The following LYRM4 variants were observed in gnomAD, a reference collection of about 807,000 sequenced individuals.
LYRM4 encodes LYR motif-containing protein 4.
Under a neutral mutation model 11.7 loss-of-function variants are expected in LYRM4, and 9 were observed. The observed-to-expected ratio is 0.77, with a 90% CI of 0.46 to 1.34. The LOEUF (loss-of-function observed/expected upper bound fraction) is 1.34. Ranked by LOEUF, LYRM4 falls within the 40% of genes most tolerant of loss-of-function variation. The pLI is 0.00. For synonymous variants in LYRM4, 42 were observed against 40.4 expected, an observed-to-expected ratio of 1.04 and a Z score of -0.15; for missense variants, 133 against 112.5, an observed-to-expected ratio of 1.18 and a Z score of -0.82.
chr6:5,145,589 C>A (rs1757676174), intron 2 of LYRM4, among the ~76,000 whole-genome samples: 1 of 152,182 alleles, frequency 6.6e-6, no homozygotes, highest in Non-Finnish European at 1.5e-5. Context: ...GAAGGGAAAG[C>A]AATAGGACCC....
the LYRM4 span, among the ~76,000 whole-genome samples, chr6:5,082,251 G>A: frequency 6.6e-6 from 1 of 152,146 alleles, no homozygotes; most frequent in Admixed American, 6.5e-5. Context: ...TCTAAGCTGT[G>A]GAGACAGACA....
intron 2 of LYRM4, among the ~76,000 whole-genome samples, chr6:5,140,125 G>A (rs539926314): frequency 1.3e-5 from 2 of 151,760 alleles, no homozygotes; most frequent in African/African-American, 4.8e-5. Context: ...CTACTTGGGA[G>A]GCTTAGGTGG....
At chr6:5,083,762 C>T in the LYRM4 span, among the ~76,000 whole-genome samples, 1 of 152,198 alleles carries the variant, frequency 6.6e-6, no homozygotes, top group African/African-American at 2.4e-5. Context: ...AAAACCCTGG[C>T]CCCTTTCAGT....
At chr6:5,102,051 C>T (rs1762522569), downstream of LYRM4, among the ~76,000 whole-genome samples, 2 of 142,754 alleles carry the variant, frequency 1.4e-5, no homozygotes, top group African/African-American at 2.6e-5. Flanking sequence ...CTTCGTCCTT[C>T]CAAAGTGTTG....
intron 1 of LYRM4, chr6:5,218,407 T>C: frequency 1.0e-6 from 1 of 984,126 alleles, no homozygotes; most frequent in Non-Finnish European, 1.2e-6. Context: ...GGAAACTTTA[T>C]CTTAAAAAGG....
the LYRM4 span, chr6:5,066,766 G>A: frequency 1.3e-6 from 1 of 741,302 alleles, no homozygotes; most frequent in Admixed American, 2.1e-5. Context: ...GTTACGTAAC[G>A]CTTAAAGTCT....
chr6:5,129,806 T>C (rs1187357428), intron 2 of LYRM4, among the ~76,000 whole-genome samples: 1 of 152,190 alleles, frequency 6.6e-6, no homozygotes, highest in East Asian at 1.9e-4. Context: ...TGTGAAAATG[T>C]AGGACCTAGG....
In LYRM4 at chr6:5,136,859, C is replaced by T. The variant is rs1757126354; in HGVS notation, c.208-27368G>A. 8.2e-6 allele frequency: 8 copies of T among 974,980 alleles called. No individual in the cohort carries two copies. The South Asian group carries it at 3.3e-4, about 40-fold the overall frequency. The allele number at this position is 974,980 out of a possible 1,614,324, so 60.4% of individuals were successfully genotyped here. ...CTTTATGGAGATATAATTCATACAC[C>T]ATCAAATCTATCCAATTAAAGTGTA... On this transcript the variant is annotated intron_variant, in intron 2 of 2. Transcript: ENST00000330636.
At chr6:5,124,243 G>A (rs114720648) in intron 2 of LYRM4, among the ~76,000 whole-genome samples, 3,108 of 152,116 alleles carry the variant, frequency 0.02, 113 homozygotes, top group African/African-American at 0.07. Context: ...TCCACATACC[G>A]GCCCAGAAGC....
At chr6:5,117,889 T>C (rs1763196963) in intron 2 of LYRM4, among the ~76,000 whole-genome samples, 1 of 151,776 alleles carries the variant, frequency 6.6e-6, no homozygotes, top group Non-Finnish European at 1.5e-5. Context: ...TTAACAGTTT[T>C]TTTTTCCTCC....
At chr6:5,101,809 C>T (rs1458831784), downstream of LYRM4, among the ~76,000 whole-genome samples, 1 of 151,702 alleles carries the variant, frequency 6.6e-6, no homozygotes, top group Non-Finnish European at 1.5e-5. Context: ...TTTTATCTTT[C>T]CCTCTCTCTT....
At chr6:5,102,689 G>A (rs1762541268), downstream of LYRM4, 1 of 152,236 alleles carries the variant, frequency 6.6e-6, no homozygotes, top group Non-Finnish European at 1.5e-5. Context: ...TGGAAGTCTT[G>A]CATCCCTGTG....
chr6:5,055,457 G>T, the LYRM4 span, among the ~76,000 whole-genome samples: 365 of 152,276 alleles, frequency 2.4e-3, 1 homozygote, highest in African/African-American at 8.5e-3. The surrounding 1 kb of genome is among the most constrained non-coding windows in gnomAD (Gnocchi z 4.5). Flanking sequence ...AATGGACACG[G>T]TTTCACCCTG....
chr6:5,181,348 T>C (rs1760061904), intron 2 of LYRM4, among the ~76,000 whole-genome samples: 1 of 152,212 alleles, frequency 6.6e-6, no homozygotes, highest in African/African-American at 2.4e-5. Flanking sequence ...CTCATTGCCC[T>C]GGGACCAGGC....
intron 1 of LYRM4, among the ~76,000 whole-genome samples, chr6:5,244,178 G>A (rs1303809079): frequency 2.0e-5 from 3 of 152,174 alleles, no homozygotes; most frequent in African/African-American, 7.2e-5. Flanking sequence ...ATAGCTTTCA[G>A]TAAGTTACAT....
intron 2 of LYRM4, among the ~76,000 whole-genome samples, chr6:5,197,707 T>C (rs1761148755): frequency 6.6e-6 from 1 of 151,970 alleles, no homozygotes; most frequent in African/African-American, 2.4e-5. Context: ...AAAGAATATA[T>C]TTTAATATTC....
chr6:5,221,253 T>C (rs1245054026), intron 1 of LYRM4, among the ~76,000 whole-genome samples: 1 of 152,262 alleles, frequency 6.6e-6, no homozygotes, highest in East Asian at 1.9e-4. Context: ...TAATTGCATC[T>C]GTCAAAGGTT....
At chr6:5,064,080 T>C in the LYRM4 span, among the ~76,000 whole-genome samples, 1 of 152,198 alleles carries the variant, frequency 6.6e-6, no homozygotes, top group Non-Finnish European at 1.5e-5. Flanking sequence ...CATTCTCAAC[T>C]TGTGTTTGGC....
At chr6:5,212,960 C>T (rs796758904) in intron 2 of LYRM4, among the ~76,000 whole-genome samples, 9 of 152,298 alleles carry the variant, frequency 5.9e-5, no homozygotes, top group African/African-American at 1.9e-4. Context: ...TGAAGGCTAA[C>T]AAATGCTGAT....
Sources: allele counts gnomAD v4.1 joint callset (sites outside exome capture counted in the v4.1 genomes callset), GRCh38; gene constraint gnomAD v4.1.1; non-coding constraint Gnocchi (gnomAD v3.1); transcripts MANE v1.5; gene names NCBI Gene and HGNC (gene_info 2026-07-23, HGNC 2026-07-21).